The following DLGAP2 variants were observed in gnomAD, a reference collection of about 807,000 sequenced individuals.
DLGAP2 encodes disks large-associated protein 2.
A neutral mutation model predicts 100.3 loss-of-function variants in DLGAP2; 26 were observed. That is an observed-to-expected ratio of 0.26 (90% CI 0.19 to 0.36). The LOEUF (loss-of-function observed/expected upper bound fraction) is 0.36, where lower values mean the gene tolerates loss of function less well. Ranked by LOEUF, DLGAP2 falls within the 10% of genes least tolerant of loss-of-function variation. The probability of loss-of-function intolerance (pLI) is 1.00; values close to 1 mark genes in which losing one functional copy is unlikely to be tolerated. For missense variants in DLGAP2, 1,858 were observed against 1,453.2 expected (o/e 1.28, Z -4.53); for synonymous variants, 886 against 630.1 (o/e 1.41, Z -6.08).
chr8:1,504,971 G>C (rs1233592957), intron 4 of DLGAP2, among the ~76,000 whole-genome samples: 1 of 151,908 alleles, frequency 6.6e-6, no homozygotes. Context: ...ACATATGAAA[G>C]GATAATTAAG....
At position 1,604,386 on chromosome 8, in the gene DLGAP2, C is replaced by A. The variant is rs149869897; in HGVS notation, c.1443-22354C>A. On this transcript the variant is annotated intron_variant, in intron 6 of 14. Transcript: ENST00000637795. ...CAGTGGGGCATCCTATCCCTCCATC[C>A]AAATAGATCCATGTTTCTCAAAGTG... is the stretch of plus-strand genomic sequence containing the variant. 8.5e-5 allele frequency among the ~76,000 whole-genome samples: 13 copies of A among 152,284 alleles called. No homozygotes were observed. The East Asian group carries it at 2.5e-3, about 29-fold the overall frequency.
intron 1 of DLGAP2, among the ~76,000 whole-genome samples, chr8:892,172 C>T (rs1798048337): frequency 6.6e-6 from 1 of 152,144 alleles, no homozygotes; most frequent in East Asian, 1.9e-4. Context: ...GAGACGGAAC[C>T]ACCTTGTGAC....
At chr8:1,565,577 G>GAGGTGT in intron 5 of DLGAP2, 106 bp from the exon 6 acceptor site, 1 of 799,554 alleles carries the variant, frequency 1.3e-6, no homozygotes, top group Non-Finnish European at 2.0e-6. Context: ...TGACTGTAAA[G>GAGGTGT]AGGTGTATCT....
intron 5 of DLGAP2, among the ~76,000 whole-genome samples, chr8:1,563,821 C>G (rs904292617): frequency 6.6e-6 from 1 of 152,116 alleles, no homozygotes; most frequent in Non-Finnish European, 1.5e-5. Context: ...CCACGCAGAT[C>G]CCTGCTGGTA....
intron 3 of DLGAP2, chr8:1,369,650 C>G (rs936400460): frequency 2.0e-5 from 3 of 152,396 alleles, no homozygotes; most frequent in Admixed American, 6.5e-5. Flanking sequence ...ATTCTCACAT[C>G]TAAATCACAC....
chr8:1,370,591 G>T (rs1254212934), intron 3 of DLGAP2, among the ~76,000 whole-genome samples: 1 of 152,178 alleles, frequency 6.6e-6, no homozygotes, highest in East Asian at 1.9e-4. Context: ...AAGAAAAGCT[G>T]TCTTTTATCA....
intron 6 of DLGAP2, among the ~76,000 whole-genome samples, chr8:1,617,165 G>C (rs954012626): frequency 6.6e-6 from 1 of 152,170 alleles, no homozygotes; most frequent in African/African-American, 2.4e-5. Context: ...CCATGTTTTT[G>C]CTATAGTGAA....
chr8:833,223 C>T (rs576086781), intron 1 of DLGAP2, among the ~76,000 whole-genome samples: 7 of 152,192 alleles, frequency 4.6e-5, no homozygotes, highest in South Asian at 2.1e-4. Flanking sequence ...TTTGGGAAGG[C>T]GCACTGGGGG....
chr8:1,425,217 T>G (rs1797205374), intron 3 of DLGAP2, among the ~76,000 whole-genome samples: 1 of 152,216 alleles, frequency 6.6e-6, no homozygotes, highest in African/African-American at 2.4e-5. Flanking sequence ...GAATTCAATC[T>G]TTTAACTCGT....
chr8:1,364,649 C>G (rs565350448), intron 3 of DLGAP2, among the ~76,000 whole-genome samples: 2 of 152,348 alleles, frequency 1.3e-5, no homozygotes, highest in Middle Eastern at 6.8e-3. Context: ...TGCATTGTGT[C>G]AAAGTGAAAA....
intron 1 of DLGAP2, among the ~76,000 whole-genome samples, chr8:904,600 A>AT (rs757022964): frequency 5.3e-5 from 8 of 152,170 alleles, no homozygotes; most frequent in Non-Finnish European, 1.0e-4. Context: ...ACGTTCTGTG[A>AT]TTCTGCTTTC....
At chr8:1,064,961 T>A (rs1803200746) in intron 2 of DLGAP2, among the ~76,000 whole-genome samples, 1 of 151,968 alleles carries the variant, frequency 6.6e-6, no homozygotes. Flanking sequence ...TGTAGAAAGG[T>A]GGTTTGAAAG....
At chr8:1,293,994 G>A (rs1363350952) in intron 3 of DLGAP2, among the ~76,000 whole-genome samples, 1 of 152,200 alleles carries the variant, frequency 6.6e-6, no homozygotes, top group Non-Finnish European at 1.5e-5. Context: ...CCTTTCCCGG[G>A]GTCTCGGAGC....
intron 12 of DLGAP2, 54 bp downstream of exon 12, chr8:1,678,683 A>G (rs1798871436): frequency 7.0e-7 from 1 of 1,432,722 alleles, no homozygotes; most frequent in Non-Finnish European, 9.1e-7. Context: ...CAGTAATGCA[A>G]ATATGCACAT....
Position 1,213,060 on chromosome 8 carries a change from G to A in DLGAP2, c.74-45791G>A, listed in dbSNP as rs563951920. On this transcript the variant is annotated intron_variant, in intron 2 of 14. Coordinates refer to ENST00000637795, the MANE Select transcript of DLGAP2 (RefSeq NM_001346810.2). Reference sequence around the variant, plus strand: ...ATGAGAATTTGGGAGGCCACAGAACGGTGAGTATCCAGCATCTTAGCAAAC... The same window carrying A: ...ATGAGAATTTGGGAGGCCACAGAACAGTGAGTATCCAGCATCTTAGCAAAC... Among the ~76,000 whole-genome samples, 29 of 152,160 alleles carry A rather than the reference G, an allele frequency of 1.9e-4. No homozygotes were observed. In the East Asian group the frequency reaches 2.5e-3, roughly 13 times the overall value.
intron 3 of DLGAP2, among the ~76,000 whole-genome samples, chr8:1,477,971 C>T (rs980331501): frequency 6.6e-6 from 1 of 152,180 alleles, no homozygotes; most frequent in African/African-American, 2.4e-5. Context: ...AGGGGATTAT[C>T]TGCTGGTTTA....
chr8:1,427,601 G>C lies in DLGAP2; in HGVS notation c.107-73765G>C, dbSNP rs1239928462. Reference sequence around the variant, plus strand: ...CACATGTCATGGAAAGAGCATGTTGGGAGGTGATTGAATTTTGGGGGTGGG... The same window carrying C: ...CACATGTCATGGAAAGAGCATGTTGCGAGGTGATTGAATTTTGGGGGTGGG... On this transcript the variant is annotated intron_variant, in intron 3 of 14. Coordinates refer to ENST00000637795, the MANE Select transcript of DLGAP2 (RefSeq NM_001346810.2). Among the ~76,000 whole-genome samples the C allele has an allele frequency of 2.2e-4, 34 of 152,290 alleles. 1 individual carries two copies. Among genetic ancestry groups the C allele is most frequent in the Non-Finnish European group, 5.9e-5 (4 of 68,026 alleles).
intron 6 of DLGAP2, among the ~76,000 whole-genome samples, chr8:1,613,788 G>A (rs1343378948): frequency 6.6e-6 from 1 of 152,116 alleles, no homozygotes. Context: ...CTGAATTCAT[G>A]TCCACCCTGC....
chr8:1,415,647 C>G (rs955622624), intron 3 of DLGAP2, among the ~76,000 whole-genome samples: 1 of 152,202 alleles, frequency 6.6e-6, no homozygotes, highest in Non-Finnish European at 1.5e-5. Context: ...TGATTCCATT[C>G]TCTCTTACGG....
Sources: allele counts gnomAD v4.1 joint callset (sites outside exome capture counted in the v4.1 genomes callset), GRCh38; gene constraint gnomAD v4.1.1; transcripts MANE v1.5; gene names NCBI Gene and HGNC (gene_info 2026-07-23, HGNC 2026-07-21).